ANKRD17: variants seen among roughly 807,000 people sequenced by gnomAD.
The protein encoded by ANKRD17 is ankyrin repeat domain 17, also known as ankyrin repeat domain-containing protein 17.
Under a neutral mutation model 229.7 loss-of-function variants are expected in ANKRD17, and 19 were observed. That is an observed-to-expected ratio of 0.08 (90% CI 0.06 to 0.12). The LOEUF (loss-of-function observed/expected upper bound fraction) is 0.12. Ranked by LOEUF, ANKRD17 falls within the 10% of genes least tolerant of loss-of-function variation. The pLI, the probability that ANKRD17 is intolerant of heterozygous loss-of-function variation, is 1.00. For synonymous variants in ANKRD17, 1,112 were observed against 1,146.1 expected, an observed-to-expected ratio of 0.97 and a Z score of 0.60; for missense variants, 2,176 against 3,176.8, an observed-to-expected ratio of 0.68 and a Z score of 7.57.
intron 7 of ANKRD17, among the ~76,000 whole-genome samples, chr4:73,149,779 C>G (rs1473625306): frequency 6.6e-6 from 1 of 152,058 alleles, no homozygotes; most frequent in Non-Finnish European, 1.5e-5. Flanking sequence ...GAGGGAGGAT[C>G]ATTTGAGCTC....
rs757445642 is a variant in ANKRD17, at chr4:73,076,240, C to G, written c.7803G>C (p.Gln2601His). The G allele has an allele frequency of 6.2e-7, 1 of 1,610,086 alleles. No individual in the cohort carries two copies. Among genetic ancestry groups the G allele is most frequent in the Non-Finnish European group, 8.5e-7 (1 of 1,178,262 alleles). Residue 2601 changes from glutamine to histidine, a missense_variant, in exon 34 of 34, where the codon CAG becomes CAC. Around this residue, in one of 18 missense-constraint regions of ANKRD17, gnomAD observed 159 missense variants for 214.3 expected, o/e 0.74. Coordinates refer to ENST00000358602, the MANE Select transcript of ANKRD17 (RefSeq NM_032217.5). ...APHMNSVHMNQLG is the reference protein window; with the variant it reads ...APHMNSVHMNHLG ...AACAAGCTGATCCTCATCAGCCAAG[C>G]TGGTTCATATGCACACTGTTCATGT...
intron 24 of ANKRD17, among the ~76,000 whole-genome samples, chr4:73,106,789 G>A (rs1311377729): frequency 6.9e-6 from 1 of 145,932 alleles, no homozygotes; most frequent in Non-Finnish European, 1.5e-5. Flanking sequence ...TGAGGCAGGA[G>A]AATCGCTTGA....
intron 25 of ANKRD17, chr4:73,099,051 C>T: frequency 3.1e-6 from 3 of 965,824 alleles, no homozygotes; most frequent in Non-Finnish European, 3.3e-6. Flanking sequence ...AAAACCACCA[C>T]AACTCCAGGA....
At chr4:73,167,972 G>A (rs1038456434) in intron 2 of ANKRD17, among the ~76,000 whole-genome samples, 4 of 151,962 alleles carry the variant, frequency 2.6e-5, no homozygotes, top group African/African-American at 9.7e-5. Flanking sequence ...CTAACGCAGC[G>A]AAACCCCGTC....
intron 2 of ANKRD17, among the ~76,000 whole-genome samples, chr4:73,167,302 A>G (rs1419428818): frequency 6.6e-6 from 1 of 152,152 alleles, no homozygotes; most frequent in Non-Finnish European, 1.5e-5. Context: ...AGTGAAAGAG[A>G]GGTGGAGAAA....
chr4:73,247,865 G>A (rs575647745), intron 1 of ANKRD17, among the ~76,000 whole-genome samples: 1 of 152,030 alleles, frequency 6.6e-6, no homozygotes, highest in East Asian at 1.9e-4. Flanking sequence ...AGAATGAAAA[G>A]ACGTATTTCA....
intron 1 of ANKRD17, among the ~76,000 whole-genome samples, chr4:73,224,681 T>C (rs1231062977): frequency 6.6e-6 from 1 of 152,226 alleles, no homozygotes; most frequent in Non-Finnish European, 1.5e-5. Flanking sequence ...TATTAACTCA[T>C]TTAATTTTCA....
intron 25 of ANKRD17, chr4:73,101,289 A>G (rs1723948591): frequency 1.2e-6 from 1 of 852,446 alleles, no homozygotes; most frequent in Admixed American, 6.2e-5. Context: ...ATTGTAGATG[A>G]TATTATGAAA....
intron 23 of ANKRD17, 21 bp from the exon 24 acceptor site, chr4:73,113,929 T>G: frequency 1.3e-6 from 2 of 1,542,902 alleles, no homozygotes; most frequent in Non-Finnish European, 1.8e-6. Flanking sequence ...AAATTAAGAT[T>G]TTTCCAGGCT....
chr4:73,184,494 AC>A (rs1736010042), intron 1 of ANKRD17, among the ~76,000 whole-genome samples: 2 of 142,166 alleles, frequency 1.4e-5, no homozygotes, highest in African/African-American at 2.6e-5. Context: ...GCGCCATTGC[AC>A]CCAGCCTGAG....
intron 2 of ANKRD17, among the ~76,000 whole-genome samples, chr4:73,171,185 G>GAGAGAGAGAA (rs1733967184): frequency 7.3e-6 from 1 of 137,746 alleles, no homozygotes; most frequent in African/African-American, 2.7e-5. Flanking sequence ...GGGGGAGAGA[G>GAGAGAGAGAA]AGAGAGAGAG....
intron 1 of ANKRD17, among the ~76,000 whole-genome samples, chr4:73,179,509 TATATA>T (rs1735225385): frequency 3.5e-5 from 3 of 85,076 alleles, no homozygotes; most frequent in East Asian, 3.2e-4. Flanking sequence ...TATATATATA[TATATA>T]TATATTTTTT....
At position 73,073,613 on chromosome 4, in the gene ANKRD17, A is replaced by G. The variant is rs1720844675; in HGVS notation, c.*2618T>C. The G allele has an allele frequency of 6.6e-6, 1 of 152,064 alleles. No homozygotes were observed. Among genetic ancestry groups the G allele is most frequent in the Non-Finnish European group, 1.5e-5 (1 of 67,894 alleles). The allele number at this position is 152,064 out of a possible 1,614,324, so 9.4% of individuals were successfully genotyped here. A position where few individuals can be genotyped will look rare whatever the true frequency, so the allele number is the denominator to read the frequency against. ...CCTTTTCCAAAGGAGAAAAATGACT[A>G]TACGTAGTCATTTACAAAAAAATTA... On this transcript the variant is annotated 3_prime_UTR_variant, in exon 34 of 34. Coordinates refer to ENST00000358602, the MANE Select transcript of ANKRD17 (RefSeq NM_032217.5).
intron 22 of ANKRD17, 125 bp downstream of exon 22, chr4:73,118,562 AT>A: frequency 5.8e-6 from 6 of 1,031,542 alleles, no homozygotes; most frequent in Non-Finnish European, 8.5e-6. Flanking sequence ...AAGAGTAATT[AT>A]TTGCATATTA....
intron 4 of ANKRD17, 76 bp from the exon 5 acceptor site, chr4:73,155,854 G>A (rs188382809): frequency 3.3e-6 from 5 of 1,519,322 alleles, no homozygotes; most frequent in Admixed American, 1.9e-5. Flanking sequence ...TTTATATAAC[G>A]TCTACCTAGT....
At chr4:73,151,168 G>C (rs1046382604) in intron 7 of ANKRD17, among the ~76,000 whole-genome samples, 2 of 152,102 alleles carry the variant, frequency 1.3e-5, no homozygotes, top group African/African-American at 4.8e-5. Flanking sequence ...AAGCCACCAT[G>C]CCTGGCCATA....
At chr4:73,120,426 T>A (rs1726563243) in intron 20 of ANKRD17, 89 bp from the exon 21 acceptor site, 4 of 1,219,142 alleles carry the variant, frequency 3.3e-6, no homozygotes, top group Non-Finnish European at 4.6e-6. Context: ...AGAAGGAATA[T>A]GATACAGCTG....
chr4:73,158,632 C>T (rs938760627), intron 3 of ANKRD17, among the ~76,000 whole-genome samples: 1 of 152,164 alleles, frequency 6.6e-6, no homozygotes. Flanking sequence ...GAAATTTAAC[C>T]CCAAATGTGG....
At chr4:73,138,714 C>T (rs955050173) in intron 15 of ANKRD17, among the ~76,000 whole-genome samples, 2 of 151,850 alleles carry the variant, frequency 1.3e-5, no homozygotes, top group African/African-American at 2.4e-5. Context: ...GCAAATTATC[C>T]TTCTCAGTAC....
Sources: allele counts gnomAD v4.1 joint callset (sites outside exome capture counted in the v4.1 genomes callset), GRCh38; gene constraint gnomAD v4.1.1; regional missense constraint gnomAD v4.1.1; transcripts MANE v1.5; gene names NCBI Gene and HGNC (gene_info 2026-07-23, HGNC 2026-07-21).